Variants in DNAAF4 observed in about 807,000 individuals in gnomAD.
DNAAF4 encodes the protein dynein axonemal assembly factor 4.
DNAAF4 carries 43 observed loss-of-function variants against 51.8 expected under a neutral mutation model. The observed-to-expected ratio is 0.83, with a 90% CI of 0.65 to 1.07. DNAAF4 has a LOEUF of 1.07. Ranked by LOEUF, DNAAF4 falls within the 50% of genes least tolerant of loss-of-function variation. The pLI is 0.00. For synonymous variants in DNAAF4, 194 were observed against 165.6 expected (o/e 1.17, Z -1.32); for missense variants, 581 against 493.0 (o/e 1.18, Z -1.69).
chr15:55,469,048 T>C (rs1334509298), intron 4 of DNAAF4, among the ~76,000 whole-genome samples: 3 of 151,844 alleles, frequency 2.0e-5, no homozygotes, highest in Non-Finnish European at 4.4e-5. Flanking sequence ...GAGTGTACAG[T>C]GACCGGGCGC....
chr15:55,440,726 G>T (rs2057697380), intron 6 of DNAAF4, among the ~76,000 whole-genome samples: 1 of 149,738 alleles, frequency 6.7e-6, no homozygotes, highest in African/African-American at 2.5e-5. Flanking sequence ...CAGCTGCCCA[G>T]GCTGGAGTAC....
intron 5 of DNAAF4, among the ~76,000 whole-genome samples, chr15:55,462,317 C>T (rs745473451): frequency 8.6e-5 from 13 of 151,796 alleles, no homozygotes; most frequent in Non-Finnish European, 1.5e-4. Flanking sequence ...CTCAGCTTCC[C>T]GAGTAGATGG....
intron 5 of DNAAF4, among the ~76,000 whole-genome samples, chr15:55,451,087 C>A (rs1218977418): frequency 6.6e-6 from 1 of 152,138 alleles, no homozygotes; most frequent in African/African-American, 2.4e-5. Context: ...CAGAGTGAGA[C>A]TCCGTCTCCA....
chr15:55,469,474 C>CTTTTTTTTTTTTTTTTT (rs1162485238), intron 4 of DNAAF4, among the ~76,000 whole-genome samples: 1 of 66,254 alleles, frequency 1.5e-5, no homozygotes, highest in African/African-American at 6.4e-5. Flanking sequence ...CTTACCAATT[C>CTTTTTTTTTTTTTTTTT]TTTTTTTTTT....
intron 5 of DNAAF4, among the ~76,000 whole-genome samples, chr15:55,458,392 T>A (rs927437022): frequency 3.3e-5 from 5 of 151,952 alleles, no homozygotes; most frequent in Admixed American, 1.3e-4. Context: ...AAATGCAAAA[T>A]ACACTGGAAA....
chr15:55,423,302 G>A lies in DNAAF4; in HGVS notation c.1048-5169C>T, dbSNP rs142149849. ...CTGTAACCTCAACCTCGACTTCCCC[G>A]GCTCAAGCGATTTTCCAACCTCAGC... On this transcript the variant is annotated intron_variant, in intron 7 of 7. Coordinates refer to the DNAAF4 transcript ENST00000448430. Among the ~76,000 whole-genome samples the A allele has an allele frequency of 5.4e-4, 82 of 151,914 alleles. 1 individual carries two copies. In the East Asian group the frequency reaches 0.01, roughly 19 times the overall value.
At chr15:55,436,242 G>A (rs1177720387) in intron 7 of DNAAF4, among the ~76,000 whole-genome samples, 2 of 152,160 alleles carry the variant, frequency 1.3e-5, no homozygotes, top group African/African-American at 4.8e-5. Flanking sequence ...CCTAATGGGT[G>A]TGAAGTGGCA....
intron 5 of DNAAF4, among the ~76,000 whole-genome samples, chr15:55,464,732 C>G (rs1342653094): frequency 2.0e-5 from 3 of 152,130 alleles, no homozygotes; most frequent in African/African-American, 7.2e-5. Flanking sequence ...CTTTTCGAGG[C>G]TGAGGCAGGC....
chr15:55,452,871 G>GACAT (rs1456884668), intron 5 of DNAAF4, among the ~76,000 whole-genome samples: 1 of 152,200 alleles, frequency 6.6e-6, no homozygotes, highest in East Asian at 1.9e-4. Flanking sequence ...AGGTACAGAG[G>GACAT]TGGGGAGGTG....
intron 4 of DNAAF4, among the ~76,000 whole-genome samples, chr15:55,473,244 T>A: frequency 7.2e-6 from 1 of 137,968 alleles, no homozygotes; most frequent in Non-Finnish European, 1.6e-5. Context: ...TATATATATA[T>A]GTGTGTGTAT....
chr15:55,436,412 C>A (rs2057611545), intron 7 of DNAAF4, among the ~76,000 whole-genome samples: 1 of 151,970 alleles, frequency 6.6e-6, no homozygotes, highest in African/African-American at 2.4e-5. Context: ...TTTGAGCAGT[C>A]TTGCTAAATT....
intron 7 of DNAAF4, among the ~76,000 whole-genome samples, chr15:55,421,357 G>T (rs1459564450): frequency 6.6e-6 from 1 of 151,900 alleles, no homozygotes; most frequent in African/African-American, 2.4e-5. Context: ...AAAATGCTTA[G>T]CCAGGCATGG....
chr15:55,475,881 G>A (rs1388342328), intron 4 of DNAAF4, among the ~76,000 whole-genome samples: 2 of 152,104 alleles, frequency 1.3e-5, no homozygotes, highest in African/African-American at 4.8e-5. Flanking sequence ...TTGAGATCCT[G>A]GTTAGGATAA....
chr15:55,457,171 GC>G (rs902221283), intron 5 of DNAAF4, among the ~76,000 whole-genome samples: 11 of 152,176 alleles, frequency 7.2e-5, no homozygotes, highest in African/African-American at 2.7e-4. Context: ...CAAGATCTCA[GC>G]CCTGCTCACC....
chr15:55,464,235 A>G (rs1196129129), intron 5 of DNAAF4, among the ~76,000 whole-genome samples: 2 of 152,232 alleles, frequency 1.3e-5, no homozygotes, highest in Non-Finnish European at 2.9e-5. Context: ...TGGTGCTGGG[A>G]TAATTGGCAA....
At chr15:55,423,439 T>C (rs546303338) in intron 7 of DNAAF4, among the ~76,000 whole-genome samples, 1 of 152,232 alleles carries the variant, frequency 6.6e-6, no homozygotes, top group South Asian at 2.1e-4. Flanking sequence ...CTTGGACTCC[T>C]GGGCTCAAGT....
intron 5 of DNAAF4, among the ~76,000 whole-genome samples, chr15:55,457,623 TCATAA>T (rs989121480): frequency 2.8e-4 from 43 of 152,246 alleles, no homozygotes; most frequent in African/African-American, 1.0e-3. Context: ...CCATAGCAAC[TCATAA>T]CAGAACAACC....
At chr15:55,434,843 T>C in intron 8 of DNAAF4, 62 bp downstream of exon 8, 3 of 1,304,360 alleles carry the variant, frequency 2.3e-6, no homozygotes, top group South Asian at 1.9e-5. Context: ...AAGATCATCA[T>C]TTAAACCAAT....
In DNAAF4 at chr15:55,458,926, A is replaced by G. The variant is rs565144357; in HGVS notation, c.637+8004T>C. Among the ~76,000 whole-genome samples the G allele has an allele frequency of 4.1e-3, 617 of 152,084 alleles. 5 individuals are homozygous for G. Among genetic ancestry groups the G allele is most frequent in the African/African-American group, 0.014 (580 of 41,508 alleles). Reference sequence around the variant, plus strand: ...CACCATCTCTACTAAAAATACAAAAATCAGCCAGGCGTGGTGGCAGGTGCC... The same window carrying G: ...CACCATCTCTACTAAAAATACAAAAGTCAGCCAGGCGTGGTGGCAGGTGCC... On this transcript the variant is annotated intron_variant, in intron 5 of 9. Coordinates refer to ENST00000321149, the MANE Select transcript of DNAAF4 (RefSeq NM_130810.4).
Sources: gnomAD v4.1 joint callset for allele counts (sites outside exome capture counted in the v4.1 genomes callset) on GRCh38, gnomAD v4.1.1 for gene constraint, MANE v1.5 for transcripts, NCBI Gene and HGNC (gene_info 2026-07-23, HGNC 2026-07-21) for gene names.